TMEM132B: variants seen among roughly 807,000 people sequenced by gnomAD.
TMEM132B encodes transmembrane protein 132B.
A neutral mutation model predicts 90.8 loss-of-function variants in TMEM132B; 18 were observed. The ratio of observed to expected loss-of-function variants is 0.20; its 90% CI spans 0.14 to 0.29. The LOEUF (loss-of-function observed/expected upper bound fraction) is 0.29, where lower values mean the gene tolerates loss of function less well. Ranked by LOEUF, TMEM132B falls within the 10% of genes least tolerant of loss-of-function variation. The pLI is 1.00. For synonymous variants in TMEM132B, 504 were observed against 523.3 expected, an observed-to-expected ratio of 0.96 and a Z score of 0.50; for missense variants, 1,096 against 1,326.8, an observed-to-expected ratio of 0.83 and a Z score of 2.70.
Position 125,415,437 on chromosome 12 carries a change from T to G in TMEM132B, c.960-94T>G. ...GGAAGGGGGCGATGTTACAGATGCTTTCCCAGTGATCTGCTCTCGTGCCAT... is the reference window on the plus strand; with the variant it reads ...GGAAGGGGGCGATGTTACAGATGCTGTCCCAGTGATCTGCTCTCGTGCCAT... On this transcript the variant is annotated intron_variant, in intron 2 of 8. Coordinates refer to ENST00000682704, the MANE Select transcript of TMEM132B (RefSeq NM_001366854.1). The surrounding 1 kb of genome is among the most constrained non-coding windows in gnomAD (Gnocchi z 5.3). 6.9e-7 allele frequency: 1 copy of G among 1,446,908 alleles called. No individual in the cohort carries two copies. The highest frequency in any genetic ancestry group is 9.3e-7 in the Non-Finnish European group (1 of 1,076,762). The allele number at this position is 1,446,908 out of a possible 1,614,324, so 89.6% of individuals were successfully genotyped here. A position where few individuals can be genotyped will look rare whatever the true frequency, so the allele number is the denominator to read the frequency against.
At chr12:125,374,047 A>G (rs1351844142) in intron 2 of TMEM132B, among the ~76,000 whole-genome samples, 3 of 152,212 alleles carry the variant, frequency 2.0e-5, no homozygotes, top group East Asian at 1.9e-4. Flanking sequence ...TGTCTGCCTC[A>G]GCCTCCCAAA....
chr12:125,214,296 C>T (rs1005261581), intron 1 of TMEM132B, among the ~76,000 whole-genome samples: 1 of 152,214 alleles, frequency 6.6e-6, no homozygotes, highest in African/African-American at 2.4e-5. Context: ...CTCTGTCTCT[C>T]AGCACTAGTT....
At chr12:125,188,852 C>CAAAAAAAAAAAAAA (rs72059024) in intron 1 of TMEM132B, among the ~76,000 whole-genome samples, 3 of 91,238 alleles carry the variant, frequency 3.3e-5, no homozygotes, top group African/African-American at 8.8e-5. Context: ...GGAGGGATGG[C>CAAAAAAAAAAAAAA]AAAAAAAAAA....
At chr12:125,627,010 A>G (rs1886249390) in intron 5 of TMEM132B, among the ~76,000 whole-genome samples, 1 of 151,938 alleles carries the variant, frequency 6.6e-6, no homozygotes, top group Non-Finnish European at 1.5e-5. Context: ...TTTGTGTTTC[A>G]GTTGGGGTAA....
At chr12:125,242,434 G>C (rs775562562) in intron 1 of TMEM132B, among the ~76,000 whole-genome samples, 1 of 152,110 alleles carries the variant, frequency 6.6e-6, no homozygotes, top group Admixed American at 6.5e-5. Flanking sequence ...TTTTATCCTC[G>C]AGGAAACTGA....
At chr12:125,197,148 G>GCACCCT (rs1872942929) in intron 1 of TMEM132B, among the ~76,000 whole-genome samples, 2 of 151,546 alleles carry the variant, frequency 1.3e-5, no homozygotes, top group Admixed American at 6.6e-5. Context: ...ATTCTCTCCC[G>GCACCCT]CCTCCCACCC....
In TMEM132B at chr12:125,231,017, A is replaced by T. The variant is rs115791354; in HGVS notation, c.67+44151A>T. Among the ~76,000 whole-genome samples the T allele has an allele frequency of 6.4e-3, 967 of 152,190 alleles. 11 individuals are homozygous for T. Among genetic ancestry groups the T allele is most frequent in the African/African-American group, 0.022 (926 of 41,512 alleles). On this transcript the variant is annotated intron_variant, in intron 1 of 8. Transcript: ENST00000682704. ...TGGTGGCTTAACAAAACAGAAATTT[A>T]TTATTTTGCGATTCTGGAGGCCAGA... is the stretch of plus-strand genomic sequence containing the variant.
chr12:125,312,992 C>G (rs1376256513), intron 1 of TMEM132B, among the ~76,000 whole-genome samples: 1 of 152,216 alleles, frequency 6.6e-6, no homozygotes, highest in Non-Finnish European at 1.5e-5. Context: ...TGGAAGCCTG[C>G]ACATGCTCAG....
intron 5 of TMEM132B, among the ~76,000 whole-genome samples, chr12:125,606,452 G>C (rs528251575): frequency 6.6e-6 from 1 of 152,168 alleles, no homozygotes; most frequent in Non-Finnish European, 1.5e-5. Flanking sequence ...GTGCATGCTA[G>C]CTACTATGTA....
chr12:125,210,172 T>G (rs1303010867), intron 1 of TMEM132B, among the ~76,000 whole-genome samples: 1 of 151,912 alleles, frequency 6.6e-6, no homozygotes, highest in Non-Finnish European at 1.5e-5. Context: ...TGAGGTTGGG[T>G]GTGGGGTAGG....
intron 1 of TMEM132B, among the ~76,000 whole-genome samples, chr12:125,238,233 G>A (rs180745724): frequency 6.6e-6 from 1 of 151,342 alleles, no homozygotes; most frequent in Admixed American, 6.6e-5. Flanking sequence ...GTCTCAGATG[G>A]TCCCAGCTAC....
At chr12:125,517,478 C>CTGTAATT (rs1228826531) in intron 3 of TMEM132B, among the ~76,000 whole-genome samples, 1 of 151,622 alleles carries the variant, frequency 6.6e-6, no homozygotes, top group Non-Finnish European at 1.5e-5. Flanking sequence ...AGGCGTGAGC[C>CTGTAATT]ACCACGCCCG....
At chr12:125,371,333 C>T (rs545644222) in intron 2 of TMEM132B, among the ~76,000 whole-genome samples, 1 of 152,282 alleles carries the variant, frequency 6.6e-6, no homozygotes, top group South Asian at 2.1e-4. Context: ...GACAATCCTT[C>T]AATCAAGTTG....
rs1877468486 is a variant in TMEM132B at position 125,349,245 on chromosome 12, G to A, written c.68-207G>A. Among the ~76,000 whole-genome samples, 1 of 142,666 alleles carries A rather than the reference G, an allele frequency of 7.0e-6. No individual in the cohort carries two copies. Among genetic ancestry groups the A allele is most frequent in the African/African-American group, 2.5e-5 (1 of 39,804 alleles). 93.6% of individuals were successfully genotyped at this position (142,666 alleles called of 152,430 possible). Reference sequence around the variant, plus strand: ...AAGACTATTGGATCAGTGGTAAATGGGGTTCCTCCCCACTCTGTGCTGTCT... The same window carrying A: ...AAGACTATTGGATCAGTGGTAAATGAGGTTCCTCCCCACTCTGTGCTGTCT... On this transcript the variant is annotated intron_variant, in intron 1 of 8. Coordinates refer to ENST00000682704, the MANE Select transcript of TMEM132B (RefSeq NM_001366854.1). The surrounding 1 kb of genome is among the most constrained non-coding windows in gnomAD (Gnocchi z 4.1).
At chr12:125,525,344 G>C (rs1485160891) in intron 4 of TMEM132B, among the ~76,000 whole-genome samples, 2 of 152,232 alleles carry the variant, frequency 1.3e-5, no homozygotes, top group Non-Finnish European at 1.5e-5. Context: ...GTGTTACCAG[G>C]TGAGGCCTTT....
chr12:125,253,432 C>G (rs867800705), intron 1 of TMEM132B, among the ~76,000 whole-genome samples: 2,029 of 150,422 alleles, frequency 0.013, 53 homozygotes, highest in African/African-American at 0.048. Context: ...CTTTCCCCCC[C>G]ACTTTTTTTT....
intron 5 of TMEM132B, among the ~76,000 whole-genome samples, chr12:125,629,624 C>G (rs1010795697): frequency 6.6e-6 from 1 of 152,020 alleles, no homozygotes; most frequent in Non-Finnish European, 1.5e-5. Context: ...TTTGGATACT[C>G]TTTATTTCTT....
chr12:125,608,496 A>G (rs1885750938), intron 5 of TMEM132B, among the ~76,000 whole-genome samples: 1 of 152,134 alleles, frequency 6.6e-6, no homozygotes, highest in South Asian at 2.1e-4. Context: ...TGATTAGCAA[A>G]TATTTTCTCC....
intron 1 of TMEM132B, among the ~76,000 whole-genome samples, chr12:125,204,477 T>C (rs1279096853): frequency 3.2e-5 from 3 of 94,990 alleles, no homozygotes; most frequent in Non-Finnish European, 4.9e-5. Flanking sequence ...TTATGTGGAG[T>C]ATCTCATGAA....
Sources: allele counts gnomAD v4.1 joint callset (sites outside exome capture counted in the v4.1 genomes callset), GRCh38; gene constraint gnomAD v4.1.1; non-coding constraint Gnocchi (gnomAD v3.1); transcripts MANE v1.5; gene names NCBI Gene and HGNC (gene_info 2026-07-23, HGNC 2026-07-21).